Variants in POLR3G observed in about 807,000 individuals in gnomAD.
POLR3G encodes the protein DNA-directed RNA polymerase III subunit RPC7.
In POLR3G, 28 loss-of-function variants were observed where a neutral mutation model predicts 30.1. The observed-to-expected ratio is 0.93, with a 90% CI of 0.69 to 1.27. The LOEUF (loss-of-function observed/expected upper bound fraction) is 1.27. Among genes scored for constraint, POLR3G ranks in the 50% most tolerant of loss-of-function variants. The pLI is 0.00. For missense variants in POLR3G, 254 were observed against 264.6 expected (o/e 0.96, Z 0.28); for synonymous variants, 79 against 82.5 (o/e 0.96, Z 0.23).
chr5:90,495,564 T>C, intron 3 of POLR3G, 113 bp from the exon 4 acceptor site: 1 of 1,460,438 alleles, frequency 6.8e-7, no homozygotes, highest in Non-Finnish European at 9.1e-7. Flanking sequence ...GGAAACTCCC[T>C]GTATGTAAAA....
At chr5:90,483,977 C>T (rs1471822484) in intron 1 of POLR3G, among the ~76,000 whole-genome samples, 1 of 152,118 alleles carries the variant, frequency 6.6e-6, no homozygotes, top group Non-Finnish European at 1.5e-5. Flanking sequence ...CTTGATTCTA[C>T]ATGTGTATTT....
intron 1 of POLR3G, among the ~76,000 whole-genome samples, chr5:90,482,254 G>C (rs1038406726): frequency 6.6e-6 from 1 of 152,192 alleles, no homozygotes; most frequent in Non-Finnish European, 1.5e-5. Flanking sequence ...TTATGACAGT[G>C]AAAGATATCA....
intron 4 of POLR3G, among the ~76,000 whole-genome samples, chr5:90,496,690 C>G (rs1752013132): frequency 6.6e-6 from 1 of 152,184 alleles, no homozygotes; most frequent in Non-Finnish European, 1.5e-5. Flanking sequence ...CATTTTAATT[C>G]ACATTCTTTT....
chr5:90,493,531 G>A (rs1751835939), intron 3 of POLR3G, among the ~76,000 whole-genome samples: 2 of 151,940 alleles, frequency 1.3e-5, no homozygotes, highest in South Asian at 4.1e-4. Flanking sequence ...TACATCCTGA[G>A]CCACTGTGTT....
chr5:90,485,863 C>T (rs1180651375), intron 2 of POLR3G, among the ~76,000 whole-genome samples, 179 bp downstream of exon 2: 1 of 152,034 alleles, frequency 6.6e-6, no homozygotes. Context: ...ATATAGAAAA[C>T]AAAACTGTAT....
upstream of POLR3G, chr5:90,474,671 C>T (rs1750690677): frequency 3.6e-6 from 1 of 279,538 alleles, no homozygotes; most frequent in South Asian, 3.5e-5. Flanking sequence ...ACAGCAGAGG[C>T]CCGCAGTGAG....
At chr5:90,477,697 ACTGGTGGAGGGTGTCCAGGTT>A (rs148599968) in intron 1 of POLR3G, among the ~76,000 whole-genome samples, 346 of 152,154 alleles carry the variant, frequency 2.3e-3, no homozygotes, top group African/African-American at 8.1e-3. Flanking sequence ...TGACGTTGTT[ACTGGTGGAGGGTGTCCAGGTT>A]CTTGGCGTCT....
intron 7 of POLR3G, 40 bp from the exon 8 acceptor site, chr5:90,512,013 T>G: frequency 7.5e-7 from 1 of 1,335,008 alleles, no homozygotes; most frequent in East Asian, 2.3e-5. Context: ...TACTACTCAT[T>G]CATTTTAACG....
chr5:90,474,124 G>C (rs1451534990), upstream of POLR3G: 1 of 1,583,252 alleles, frequency 6.3e-7, no homozygotes, highest in Non-Finnish European at 8.6e-7. Flanking sequence ...GAGGAGTACA[G>C]GTACTCCGGG....
intron 1 of POLR3G, among the ~76,000 whole-genome samples, chr5:90,478,569 C>CTTTTTTTTTTTTTTT (rs773881344): frequency 0.11 from 8,870 of 78,688 alleles, 2,409 homozygotes; most frequent in African/African-American, 0.15. Context: ...CTGCGTGGTT[C>CTTTTTTTTTTTTTTT]TTTTTTTTTT....
intron 4 of POLR3G, 138 bp from the exon 5 acceptor site, chr5:90,497,518 A>G: frequency 3.1e-6 from 3 of 971,452 alleles, no homozygotes; most frequent in Non-Finnish European, 4.3e-6. Flanking sequence ...ATATGTTTCA[A>G]GCTAAATTTG....
chr5:90,490,955 A>G (rs920452324), intron 3 of POLR3G: 3 of 154,928 alleles, frequency 1.9e-5, no homozygotes, highest in Admixed American at 1.9e-4. Flanking sequence ...TACCTTCGCC[A>G]GGTGCATCAC....
At chr5:90,477,767 G>C (rs2045776633) in intron 1 of POLR3G, among the ~76,000 whole-genome samples, 2 of 152,186 alleles carry the variant, frequency 1.3e-5, no homozygotes, top group Non-Finnish European at 2.9e-5. Context: ...AGCAAAGAAA[G>C]AATGAAGCAA....
rs370829862 is a variant in POLR3G at position 90,485,642 on chromosome 5, A to G, written c.75A>G (p.Glu25=). 1.9e-6 allele frequency: 3 copies of G among 1,614,070 alleles called. No homozygotes were observed. Among genetic ancestry groups the G allele is most frequent in the East Asian group, 2.2e-5 (1 of 44,858 alleles). ...AGGCTGTTGGATTTAGCAAAGGTGA[A>G]AAGTTACCTGATGTAGTGTTGAAAC... The part of the protein sequence containing the change: ...NIEAVGFSKG[E]KLPDVVLKPP... Residue 25 remains glutamate, a synonymous_variant, in exon 2 of 8, where the codon GAA becomes GAG. Coordinates refer to ENST00000651687, the MANE Select transcript of POLR3G (RefSeq NM_006467.3).
chr5:90,497,595 T>G lies in POLR3G; in HGVS notation c.305-61T>G. On this transcript the variant is annotated intron_variant, in intron 4 of 7. Transcript: ENST00000651687. ...AACTGTTGTGTCCTTCAAATAGTTA[T>G]GTTCAATGCCACAAATTCCTAGAGG... 3 of 1,544,158 alleles carry G rather than the reference T, an allele frequency of 1.9e-6. No homozygotes were observed. The South Asian group carries it at 3.7e-5, about 19-fold the overall frequency.
chr5:90,502,190 C>A (rs566637689), intron 6 of POLR3G: 1 of 985,338 alleles, frequency 1.0e-6, no homozygotes, highest in East Asian at 1.1e-4. Flanking sequence ...TCCTTCGTTA[C>A]CACTCACCTG....
At chr5:90,475,758 C>T (rs1030932727) in intron 1 of POLR3G, among the ~76,000 whole-genome samples, 5 of 152,212 alleles carry the variant, frequency 3.3e-5, no homozygotes, top group Admixed American at 6.5e-5. Flanking sequence ...GTTGCCCAGT[C>T]TGGAGTGCGG....
At chr5:90,502,404 A>G in intron 6 of POLR3G, 1 of 882,982 alleles carries the variant, frequency 1.1e-6, no homozygotes, top group African/African-American at 1.8e-5. Flanking sequence ...AGTATTGAAG[A>G]CTCTTGAGGG....
At chr5:90,492,986 C>T (rs970967371) in intron 3 of POLR3G, among the ~76,000 whole-genome samples, 2 of 150,430 alleles carry the variant, frequency 1.3e-5, no homozygotes, top group Admixed American at 6.7e-5. Context: ...CATTTATAAT[C>T]TGAAATTATT....
Sources: allele counts gnomAD v4.1 joint callset (sites outside exome capture counted in the v4.1 genomes callset), GRCh38; gene constraint gnomAD v4.1.1; transcripts MANE v1.5; gene names NCBI Gene and HGNC (gene_info 2026-07-23, HGNC 2026-07-21).